Variants in TSHZ3 observed in about 807,000 individuals in gnomAD.
TSHZ3 encodes the protein teashirt zinc finger homeobox 3.
In TSHZ3, 10 loss-of-function variants were observed where a neutral mutation model predicts 64.5. The ratio of observed to expected loss-of-function variants is 0.16; its 90% CI spans 0.10 to 0.26. The LOEUF is 0.26. Ranked by LOEUF, TSHZ3 falls within the 10% of genes least tolerant of loss-of-function variation. The pLI is 1.00. For synonymous variants in TSHZ3, 608 were observed against 593.1 expected, an observed-to-expected ratio of 1.03 and a Z score of -0.36; for missense variants, 1,242 against 1,421.7, an observed-to-expected ratio of 0.87 and a Z score of 2.03.
chr19:31,281,803 C>T (rs1047782343), intron 1 of TSHZ3, among the ~76,000 whole-genome samples: 4 of 152,210 alleles, frequency 2.6e-5, no homozygotes, highest in African/African-American at 9.6e-5. Context: ...ACTTCCTCGG[C>T]ATGCAGCACA....
At chr19:31,308,722 A>AAAAACAGG (rs1399163461) in intron 1 of TSHZ3, 3 of 398,596 alleles carry the variant, frequency 7.5e-6, no homozygotes, top group African/African-American at 6.2e-5. Context: ...GGAAAGAGAG[A>AAAAACAGG]AAAACAGGGA....
At chr19:31,199,707 A>G (rs1975048361) in intron 5 of TSHZ3, among the ~76,000 whole-genome samples, 1 of 146,950 alleles carries the variant, frequency 6.8e-6, no homozygotes, top group Non-Finnish European at 1.5e-5. Flanking sequence ...GAAAGAACTA[A>G]TTGATAAGCT....
intron 4 of TSHZ3, among the ~76,000 whole-genome samples, chr19:31,212,463 T>TA (rs1975270396): frequency 6.6e-6 from 1 of 151,656 alleles, no homozygotes; most frequent in Admixed American, 6.6e-5. Flanking sequence ...GTCTCAAAAA[T>TA]AAAAATAAAT....
chr19:31,342,894 C>T (rs547901324), intron 1 of TSHZ3, among the ~76,000 whole-genome samples: 1 of 152,332 alleles, frequency 6.6e-6, no homozygotes, highest in African/African-American at 2.4e-5. Flanking sequence ...CAAAACCTGG[C>T]TAACATTAAA....
intron 5 of TSHZ3, among the ~76,000 whole-genome samples, chr19:31,193,803 G>A (rs1974947388): frequency 6.6e-6 from 1 of 152,098 alleles, no homozygotes; most frequent in Non-Finnish European, 1.5e-5. Context: ...ATGTATTTTT[G>A]TTAATTTTTT....
chr19:31,316,412 G>A (rs151140140), intron 1 of TSHZ3, among the ~76,000 whole-genome samples: 41 of 152,296 alleles, frequency 2.7e-4, no homozygotes, highest in African/African-American at 8.7e-4. Context: ...CGGAGACTCT[G>A]GGGAAAAGGC....
chr19:31,329,839 T>C (rs1278722932), intron 1 of TSHZ3, among the ~76,000 whole-genome samples: 2 of 152,206 alleles, frequency 1.3e-5, no homozygotes, highest in Non-Finnish European at 2.9e-5. Context: ...CGCATAATTC[T>C]ATCTTCAGTC....
chr19:31,245,873 T>C (rs567183149), intron 1 of TSHZ3, among the ~76,000 whole-genome samples: 3 of 152,232 alleles, frequency 2.0e-5, no homozygotes, highest in Non-Finnish European at 2.9e-5. Flanking sequence ...ATTTGTAATA[T>C]TTATTTAACT....
chr19:31,168,187 A>C (rs1369211903), intron 5 of TSHZ3, among the ~76,000 whole-genome samples: 1 of 152,100 alleles, frequency 6.6e-6, no homozygotes, highest in African/African-American at 2.4e-5. Flanking sequence ...ATTTTTATGC[A>C]TGCCATTGTT....
chr19:31,312,674 C>T (rs773994675), intron 1 of TSHZ3, among the ~76,000 whole-genome samples: 1 of 152,270 alleles, frequency 6.6e-6, no homozygotes, highest in African/African-American at 2.4e-5. Flanking sequence ...GGAGTTCCAC[C>T]GGTGGTACAA....
At chr19:31,335,821 C>T (rs1046394547) in intron 1 of TSHZ3, among the ~76,000 whole-genome samples, 28 of 152,210 alleles carry the variant, frequency 1.8e-4, no homozygotes, top group Non-Finnish European at 3.8e-4. Flanking sequence ...AGAGCTGTGT[C>T]ACCCCCGTGG....
At chr19:31,252,790 A>C (rs1372218489) in intron 1 of TSHZ3, among the ~76,000 whole-genome samples, 1 of 152,234 alleles carries the variant, frequency 6.6e-6, no homozygotes, top group Non-Finnish European at 1.5e-5. Context: ...ATGAGAATGG[A>C]CTAATACATT....
chr19:31,161,466 C>T (rs1451120586), intron 5 of TSHZ3, among the ~76,000 whole-genome samples: 1 of 152,146 alleles, frequency 6.6e-6, no homozygotes, highest in Non-Finnish European at 1.5e-5. Flanking sequence ...CTAACATCAC[C>T]AGTTTTGGAG....
At chr19:31,326,001 G>A (rs943791347) in intron 1 of TSHZ3, among the ~76,000 whole-genome samples, 4 of 152,132 alleles carry the variant, frequency 2.6e-5, no homozygotes, top group African/African-American at 9.7e-5. Context: ...CCATCACCTA[G>A]TTTAAAACTT....
intron 4 of TSHZ3, among the ~76,000 whole-genome samples, chr19:31,208,839 C>T (rs1975222134): frequency 6.6e-6 from 1 of 152,162 alleles, no homozygotes; most frequent in African/African-American, 2.4e-5. Flanking sequence ...ACCTTCATTA[C>T]AACATTTCTT....
intron 5 of TSHZ3, among the ~76,000 whole-genome samples, chr19:31,166,048 C>CCATTAAACG (rs1974446672): frequency 6.6e-6 from 1 of 152,162 alleles, no homozygotes; most frequent in African/African-American, 2.4e-5. Flanking sequence ...GGCTGTCTGT[C>CCATTAAACG]CATTAAACGC....
chr19:31,321,607 G>A (rs2145167656), intron 1 of TSHZ3, among the ~76,000 whole-genome samples: 1 of 152,300 alleles, frequency 6.6e-6, no homozygotes, highest in South Asian at 2.1e-4. Context: ...AAGGTCAAAA[G>A]CACCTGACAC....
At chr19:31,265,560 T>G (rs1976044406) in intron 1 of TSHZ3, among the ~76,000 whole-genome samples, 1 of 152,174 alleles carries the variant, frequency 6.6e-6, no homozygotes, top group Non-Finnish European at 1.5e-5. Context: ...AAGGTCATAC[T>G]AGGGCTCATT....
intron 1 of TSHZ3, among the ~76,000 whole-genome samples, chr19:31,325,745 T>C (rs1421363284): frequency 6.6e-6 from 1 of 152,206 alleles, no homozygotes; most frequent in Non-Finnish European, 1.5e-5. Context: ...ATGTTCACTA[T>C]GGTACTGTTT....
Sources: gnomAD v4.1 joint callset for allele counts (sites outside exome capture counted in the v4.1 genomes callset) on GRCh38, gnomAD v4.1.1 for gene constraint, MANE v1.5 for transcripts, NCBI Gene and HGNC (gene_info 2026-07-23, HGNC 2026-07-21) for gene names.